PDE1C: variants seen among roughly 807,000 people sequenced by gnomAD.
PDE1C encodes phosphodiesterase 1C, also known as dual specificity calcium/calmodulin-dependent 3',5'-cyclic nucleotide phosphodiesterase 1C.
Under a neutral mutation model 93.1 loss-of-function variants are expected in PDE1C, and 62 were observed. That is an observed-to-expected ratio of 0.67 (90% CI 0.54 to 0.82). The LOEUF is 0.82. Ranked by LOEUF, PDE1C falls within the 40% of genes least tolerant of loss-of-function variation. The pLI, the probability that PDE1C is intolerant of heterozygous loss-of-function variation, is 0.00. For missense variants in PDE1C, 742 were observed against 884.6 expected (o/e 0.84, Z 2.04); for synonymous variants, 325 against 310.1 (o/e 1.05, Z -0.50).
At chr7:31,890,624 T>C (rs555756738) in intron 2 of PDE1C, among the ~76,000 whole-genome samples, 24 of 152,198 alleles carry the variant, frequency 1.6e-4, no homozygotes, top group Non-Finnish European at 2.8e-4. Context: ...ATCACAGGAA[T>C]TCTACCATAC....
chr7:32,007,307 C>A (rs1786407693), intron 2 of PDE1C, among the ~76,000 whole-genome samples: 1 of 152,158 alleles, frequency 6.6e-6, no homozygotes, highest in African/African-American at 2.4e-5. Context: ...CTCTTTTCCC[C>A]CAAAGAGCCA....
intron 1 of PDE1C, among the ~76,000 whole-genome samples, chr7:32,360,426 T>G (rs141914029): frequency 2.0e-5 from 3 of 152,270 alleles, no homozygotes; most frequent in African/African-American, 7.2e-5. Flanking sequence ...CTCCTTTGCC[T>G]CAAGGCAGAG....
chr7:32,128,564 G>GT (rs1304639335), intron 3 of PDE1C, among the ~76,000 whole-genome samples: 1 of 151,802 alleles, frequency 6.6e-6, no homozygotes, highest in Non-Finnish European at 1.5e-5. Context: ...TCATTATTCA[G>GT]TTATAAAATG....
At chr7:31,642,049 T>C in the PDE1C span, 4 of 527,938 alleles carry the variant, frequency 7.6e-6, no homozygotes, top group East Asian at 1.3e-4. Flanking sequence ...CCTCATTTGT[T>C]TTTTCTTCCA....
chr7:31,832,007 T>C (rs901574275), intron 11 of PDE1C, among the ~76,000 whole-genome samples: 14 of 151,950 alleles, frequency 9.2e-5, no homozygotes, highest in South Asian at 2.1e-4. Flanking sequence ...AGGAAAGACA[T>C]TGAAAAGGGA....
Position 31,939,021 on chromosome 7 carries a change from A to G in PDE1C, c.129-58161T>C, listed in dbSNP as rs190342497. ...TAGGTATTGCACAGGACAATTCAGAAGCATAATCCAAGTCCTTCAGGAAGT... is the reference window on the plus strand; with the variant it reads ...TAGGTATTGCACAGGACAATTCAGAGGCATAATCCAAGTCCTTCAGGAAGT... On this transcript the variant is annotated intron_variant, in intron 2 of 17. Coordinates refer to ENST00000396191, the MANE Select transcript of PDE1C (RefSeq NM_001191057.4). Among the ~76,000 whole-genome samples, 380 of 152,314 alleles carry G rather than the reference A, an allele frequency of 2.5e-3. 4 individuals carry two copies. The highest frequency in any genetic ancestry group is 8.6e-3 in the African/African-American group (357 of 41,574).
At chr7:32,219,070 A>G (rs899175319) in intron 1 of PDE1C, among the ~76,000 whole-genome samples, 1 of 152,230 alleles carries the variant, frequency 6.6e-6, no homozygotes, top group Admixed American at 6.5e-5. Flanking sequence ...TTCTGTGGAA[A>G]TCATCAGGCC....
chr7:31,830,391 CTCACTCA>C (rs1182316653), intron 11 of PDE1C, among the ~76,000 whole-genome samples: 1 of 152,152 alleles, frequency 6.6e-6, no homozygotes, highest in Non-Finnish European at 1.5e-5. Flanking sequence ...TTTTTAAAAA[CTCACTCA>C]TTTTTTTTTC....
intron 1 of PDE1C, among the ~76,000 whole-genome samples, chr7:32,308,125 T>A (rs1296101802): frequency 6.6e-6 from 1 of 152,222 alleles, no homozygotes; most frequent in African/African-American, 2.4e-5. Flanking sequence ...GGAGTCTCGC[T>A]GATTGCTAGC....
At chr7:32,099,312 T>C (rs1304725902) in intron 3 of PDE1C, among the ~76,000 whole-genome samples, 1 of 152,222 alleles carries the variant, frequency 6.6e-6, no homozygotes. Context: ...ATGTTATCTT[T>C]GCCATTATAA....
chr7:31,617,174 A>AAGCCTGGAGAAGGGAAG, the PDE1C span, among the ~76,000 whole-genome samples: 1 of 152,182 alleles, frequency 6.6e-6, no homozygotes, highest in African/African-American at 2.4e-5. Flanking sequence ...TCAGGAAGAA[A>AAGCCTGGAGAAGGGAAG]AGCCTGGAGA....
chr7:32,060,516 ATGGCAAAATGAGCCCAT>A (rs1316671606), intron 1 of PDE1C, among the ~76,000 whole-genome samples: 1 of 152,200 alleles, frequency 6.6e-6, no homozygotes, highest in African/African-American at 2.4e-5. Flanking sequence ...CAATTTAAAT[ATGGCAAAATGAGCCCAT>A]TGTCCAAAAT....
At chr7:32,015,532 C>A (rs1348023742) in intron 2 of PDE1C, among the ~76,000 whole-genome samples, 6 of 151,934 alleles carry the variant, frequency 3.9e-5, no homozygotes, top group Non-Finnish European at 7.4e-5. Flanking sequence ...CTGCCCCCCA[C>A]CCCACCCACC....
At chr7:31,684,039 C>A in the PDE1C span, among the ~76,000 whole-genome samples, 1 of 152,150 alleles carries the variant, frequency 6.6e-6, no homozygotes, top group African/African-American at 2.4e-5. Flanking sequence ...ATGACTTCAG[C>A]ACTGCACATA....
intron 1 of PDE1C, among the ~76,000 whole-genome samples, chr7:32,397,700 G>C (rs1467855740): frequency 2.0e-5 from 3 of 152,028 alleles, no homozygotes; most frequent in Admixed American, 1.3e-4. Flanking sequence ...ATAAATTATG[G>C]AACATCTGCA....
chr7:31,711,922 G>C, the PDE1C span, among the ~76,000 whole-genome samples: 3 of 152,228 alleles, frequency 2.0e-5, no homozygotes, highest in South Asian at 6.2e-4. Context: ...CTCTGCCATG[G>C]CTGGGGACCC....
chr7:32,418,360 T>C (rs1238005788), intron 1 of PDE1C, among the ~76,000 whole-genome samples: 1 of 152,194 alleles, frequency 6.6e-6, no homozygotes, highest in African/African-American at 2.4e-5. Flanking sequence ...CAAGCTTCAT[T>C]GTCCTCATCT....
intron 1 of PDE1C, among the ~76,000 whole-genome samples, chr7:32,259,434 T>C (rs1562627163): frequency 6.6e-6 from 1 of 152,066 alleles, no homozygotes; most frequent in Non-Finnish European, 1.5e-5. Context: ...AAGTCTCTGC[T>C]CTAGTAAGAA....
chr7:31,659,312 T>C, the PDE1C span, among the ~76,000 whole-genome samples: 1 of 152,240 alleles, frequency 6.6e-6, no homozygotes, highest in Non-Finnish European at 1.5e-5. Context: ...TGCTGAAAGC[T>C]GTTGAGCCTT....
Sources: gnomAD v4.1 joint callset for allele counts (sites outside exome capture counted in the v4.1 genomes callset) on GRCh38, gnomAD v4.1.1 for gene constraint, MANE v1.5 for transcripts, NCBI Gene and HGNC (gene_info 2026-07-23, HGNC 2026-07-21) for gene names.